Variants in SPMIP6 observed in about 807,000 individuals in gnomAD.
SPMIP6 encodes the protein sperm microtubule inner protein 6, also known as ciliated bronchial epithelial protein 1.
chr9:34,384,062 C>T, the SPMIP6 span, among the ~76,000 whole-genome samples: 2 of 152,286 alleles, frequency 1.3e-5, no homozygotes, highest in African/African-American at 2.4e-5. Context: ...AATACATATG[C>T]GACACGGTGT....
chr9:34,381,194 C>A, the SPMIP6 span: 371,864 of 1,551,514 alleles, frequency 0.24, 47,268 homozygotes, highest in East Asian at 0.38. The surrounding 1 kb of genome is among the most constrained non-coding windows in gnomAD (Gnocchi z 4.4). Context: ...GGGAAGAGGC[C>A]GAGTCACGGA....
chr9:34,393,240 C>T, the SPMIP6 span, among the ~76,000 whole-genome samples: 1 of 152,270 alleles, frequency 6.6e-6, no homozygotes, highest in African/African-American at 2.4e-5. Flanking sequence ...TTTAGTTCTT[C>T]CTTTAAATAT....
the SPMIP6 span, chr9:34,385,900 C>T: frequency 3.2e-6 from 3 of 936,302 alleles, no homozygotes; most frequent in Admixed American, 2.4e-5. Context: ...TCCCAACCCC[C>T]CTCCCCATGT....
chr9:34,387,140 G>A, the SPMIP6 span, among the ~76,000 whole-genome samples: 51 of 150,650 alleles, frequency 3.4e-4, no homozygotes, highest in Non-Finnish European at 5.3e-4. Flanking sequence ...TGATCCTCCC[G>A]CCTCAGCCTC....
chr9:34,385,908 T>A, the SPMIP6 span: 1 of 823,210 alleles, frequency 1.2e-6, no homozygotes, highest in East Asian at 2.6e-5. Context: ...CCCCTCCCCA[T>A]GTCAGAGGGA....
the SPMIP6 span, among the ~76,000 whole-genome samples, chr9:34,382,307 G>A: frequency 6.6e-6 from 1 of 152,234 alleles, no homozygotes; most frequent in Non-Finnish European, 1.5e-5. Flanking sequence ...AACCCGGCCA[G>A]GTGCAGTGGC....
At chr9:34,391,916 G>A in the SPMIP6 span, among the ~76,000 whole-genome samples, 1 of 149,878 alleles carries the variant, frequency 6.7e-6, no homozygotes. Flanking sequence ...TTTGGGGGTT[G>A]GGGATGTCTG....
At chr9:34,397,298 C>T in the SPMIP6 span, among the ~76,000 whole-genome samples, 1 of 152,274 alleles carries the variant, frequency 6.6e-6, no homozygotes, top group Non-Finnish European at 1.5e-5. Flanking sequence ...TATTATCTGC[C>T]TGTTCCTACC....
At chr9:34,392,455 G>T in the SPMIP6 span, among the ~76,000 whole-genome samples, 1 of 150,866 alleles carries the variant, frequency 6.6e-6, no homozygotes, top group African/African-American at 2.5e-5. This position sits in a 1 kb window ranked among gnomAD's most constrained non-coding sequence, Gnocchi z 4.6. Flanking sequence ...GTGTGTGTGT[G>T]TGTGTGTGTG....
the SPMIP6 span, among the ~76,000 whole-genome samples, chr9:34,396,660 C>T: frequency 4.6e-5 from 7 of 152,120 alleles, no homozygotes; most frequent in South Asian, 4.1e-4. Context: ...CCACAGGCTG[C>T]CTTTTCTCCT....
At chr9:34,379,350 A>G in the SPMIP6 span, among the ~76,000 whole-genome samples, 3 of 152,318 alleles carry the variant, frequency 2.0e-5, no homozygotes, top group Admixed American at 1.3e-4. This position sits in a 1 kb window ranked among gnomAD's most constrained non-coding sequence, Gnocchi z 4.2. Flanking sequence ...CTGATACCCA[A>G]TATTTCCTCC....
the SPMIP6 span, among the ~76,000 whole-genome samples, chr9:34,393,275 A>C: frequency 6.6e-6 from 1 of 152,138 alleles, no homozygotes; most frequent in Non-Finnish European, 1.5e-5. Context: ...CATTATAATT[A>C]TTTTCTATAG....
At chr9:34,389,105 T>C in the SPMIP6 span, among the ~76,000 whole-genome samples, 3 of 151,982 alleles carry the variant, frequency 2.0e-5, no homozygotes, top group African/African-American at 7.3e-5. Context: ...CTGATTTTTT[T>C]TTAAATTTGT....
chr9:34,380,760 G>T, the SPMIP6 span: 29 of 1,547,952 alleles, frequency 1.9e-5, 1 homozygote, highest in South Asian at 3.4e-4. Context: ...ACACGGCAGG[G>T]CCTCGAGAGC....
At chr9:34,385,807 G>T in the SPMIP6 span, 1 of 1,604,496 alleles carries the variant, frequency 6.2e-7, no homozygotes, top group Middle Eastern at 2.0e-4. Context: ...GGAGAGAAGT[G>T]GTTAGGGGCA....
the SPMIP6 span, among the ~76,000 whole-genome samples, chr9:34,381,987 C>G: frequency 6.6e-6 from 1 of 152,318 alleles, no homozygotes; most frequent in East Asian, 1.9e-4. The surrounding 1 kb of genome is among the most constrained non-coding windows in gnomAD (Gnocchi z 4.4). Flanking sequence ...TGTATCTGCA[C>G]TGCTATTGAG....
chr9:34,383,170 T>G, the SPMIP6 span, among the ~76,000 whole-genome samples: 1 of 152,150 alleles, frequency 6.6e-6, no homozygotes, highest in Non-Finnish European at 1.5e-5. Context: ...TCCCAATTCC[T>G]CCCTCTCTCT....
chr9:34,382,734 G>A, the SPMIP6 span: 4 of 1,555,722 alleles, frequency 2.6e-6, no homozygotes, highest in Non-Finnish European at 3.5e-6. Flanking sequence ...CCAGACGTCT[G>A]TGCTGGGTGC....
chr9:34,395,499 C>CTTAA, the SPMIP6 span, among the ~76,000 whole-genome samples: 1 of 152,234 alleles, frequency 6.6e-6, no homozygotes, highest in East Asian at 1.9e-4. Flanking sequence ...TTTACCTACC[C>CTTAA]TTAAATATTT....
Sources: allele counts gnomAD v4.1 joint callset (sites outside exome capture counted in the v4.1 genomes callset), GRCh38; gene constraint gnomAD v4.1.1; non-coding constraint Gnocchi (gnomAD v3.1); transcripts MANE v1.5; gene names NCBI Gene and HGNC (gene_info 2026-07-23, HGNC 2026-07-21).